The following MYO16 variants were observed in gnomAD, a reference collection of about 807,000 sequenced individuals.
MYO16 encodes myosin XVI, also known as unconventional myosin-XVI.
MYO16 carries 94 observed loss-of-function variants against 205.3 expected under a neutral mutation model. That is an observed-to-expected ratio of 0.46 (90% CI 0.39 to 0.54). The LOEUF (loss-of-function observed/expected upper bound fraction) is 0.54. Among genes scored for constraint, MYO16 ranks in the 20% least tolerant of loss-of-function variants. The probability of loss-of-function intolerance (pLI) is 0.00; values close to 1 mark genes in which losing one functional copy is unlikely to be tolerated. For synonymous variants in MYO16, 988 were observed against 954.0 expected (o/e 1.04, Z -0.66); for missense variants, 2,315 against 2,387.5 (o/e 0.97, Z 0.63).
intron 1 of MYO16, among the ~76,000 whole-genome samples, chr13:108,645,070 A>C (rs922995609): frequency 1.3e-5 from 2 of 152,192 alleles, no homozygotes; most frequent in Non-Finnish European, 2.9e-5. Context: ...GGTGGGGACA[A>C]GACAAGAGGC....
intron 27 of MYO16, among the ~76,000 whole-genome samples, chr13:109,094,397 G>A (rs113462394): frequency 7.9e-5 from 12 of 152,258 alleles, no homozygotes; most frequent in African/African-American, 2.2e-4. Context: ...TTTTTGTAGA[G>A]ATGGGGTCTT....
intron 34 of MYO16, among the ~76,000 whole-genome samples, chr13:109,199,156 A>C (rs1015672613): frequency 6.9e-6 from 1 of 145,806 alleles, no homozygotes; most frequent in African/African-American, 2.5e-5. Context: ...TCCTCCATAA[A>C]GCTTCCTTTC....
chr13:109,094,045 G>A (rs962356821), intron 27 of MYO16, among the ~76,000 whole-genome samples: 5 of 151,740 alleles, frequency 3.3e-5, no homozygotes, highest in Non-Finnish European at 5.9e-5. Context: ...AGCCACACTC[G>A]ACTCCTTGAT....
At chr13:109,006,854 A>G (rs1273711309) in intron 21 of MYO16, among the ~76,000 whole-genome samples, 5 of 152,168 alleles carry the variant, frequency 3.3e-5, no homozygotes, top group African/African-American at 1.2e-4. Context: ...GAGAAGAGAC[A>G]AGGTCCACAG....
intron 16 of MYO16, among the ~76,000 whole-genome samples, chr13:108,956,120 A>C (rs976416261): frequency 1.7e-4 from 26 of 152,192 alleles, no homozygotes; most frequent in African/African-American, 6.3e-4. Context: ...AAGTAATTTA[A>C]AGTCAATATG....
At chr13:108,789,077 T>G (rs1284272051) in intron 5 of MYO16, among the ~76,000 whole-genome samples, 2 of 152,206 alleles carry the variant, frequency 1.3e-5, no homozygotes, top group Non-Finnish European at 2.9e-5. Context: ...TTTCCAGACC[T>G]TCACTCCTGC....
At chr13:108,964,927 C>T (rs1883732443) in intron 20 of MYO16, 25 bp downstream of exon 20, 1 of 1,604,792 alleles carries the variant, frequency 6.2e-7, no homozygotes, top group Non-Finnish European at 8.5e-7. Flanking sequence ...ATGTTCGGTT[C>T]TGTTGTCATT....
chr13:108,593,961 A>G (rs1878470079), upstream of MYO16, among the ~76,000 whole-genome samples: 2 of 152,012 alleles, frequency 1.3e-5, no homozygotes, highest in Non-Finnish European at 2.9e-5. Flanking sequence ...AACATAAACA[A>G]TTTTTCCAAA....
At chr13:108,943,754 T>G (rs1882827908) in intron 16 of MYO16, among the ~76,000 whole-genome samples, 1 of 151,910 alleles carries the variant, frequency 6.6e-6, no homozygotes. Flanking sequence ...CCTGGCTAAT[T>G]TTTTGTATTT....
intron 28 of MYO16, among the ~76,000 whole-genome samples, chr13:109,113,406 T>C (rs1875504394): frequency 6.6e-6 from 1 of 152,088 alleles, no homozygotes; most frequent in Admixed American, 6.6e-5. Context: ...TAAAAAAGTC[T>C]AATAAACCTT....
the MYO16 span, among the ~76,000 whole-genome samples, chr13:108,555,172 T>A: frequency 6.6e-6 from 1 of 152,148 alleles, no homozygotes; most frequent in East Asian, 1.9e-4. Flanking sequence ...TCATTGTGAG[T>A]TGGGCAAAGG....
In MYO16 at chr13:108,792,378, A is replaced by G. The variant is rs187263480; in HGVS notation, c.617-1138A>G. On this transcript the variant is annotated intron_variant, in intron 5 of 34. Transcript: ENST00000457511. ...AGCGCAGAGTTCCCAAATGCCCTCC[A>G]CAGAGCTTCCCCTAATGTTAACACT... 8.0e-3 allele frequency among the ~76,000 whole-genome samples: 1,211 copies of G among 152,326 alleles called. 5 individuals carry two copies. The highest frequency in any genetic ancestry group is 0.02 in the Middle Eastern group (6 of 294).
At chr13:108,813,898 G>T (rs1887370053) in intron 7 of MYO16, among the ~76,000 whole-genome samples, 1 of 152,068 alleles carries the variant, frequency 6.6e-6, no homozygotes, top group African/African-American at 2.4e-5. Context: ...AATTAGCCCT[G>T]GCCTGCTTAA....
At position 108,971,842 on chromosome 13, in the gene MYO16, A is replaced by T. The variant is rs1428517876; in HGVS notation, c.2369+6940A>T. ...TTTTTCAGGGTTATTTGAAGGTTAA[A>T]TGAGGTGGTGCATATTAAGTTGTTA... On this transcript the variant is annotated intron_variant, in intron 20 of 34. Coordinates refer to ENST00000457511, the MANE Select transcript of MYO16 (RefSeq NM_001198950.3). Among the ~76,000 whole-genome samples, 5 of 152,022 alleles carry T rather than the reference A, an allele frequency of 3.3e-5. No individual in the cohort carries two copies. The East Asian group carries it at 9.7e-4, about 30-fold the overall frequency.
At chr13:108,850,206 C>G (rs1410847767) in intron 10 of MYO16, among the ~76,000 whole-genome samples, 1 of 152,178 alleles carries the variant, frequency 6.6e-6, no homozygotes, top group Non-Finnish European at 1.5e-5. Flanking sequence ...TCCCACAGGT[C>G]AGACCATCTC....
chr13:109,087,402 T>G (rs756501377), intron 27 of MYO16, among the ~76,000 whole-genome samples: 23 of 152,202 alleles, frequency 1.5e-4, no homozygotes, highest in Non-Finnish European at 2.8e-4. Context: ...TCCCAGCACT[T>G]TGGAAGGCCG....
intron 6 of MYO16, among the ~76,000 whole-genome samples, chr13:108,795,500 G>A (rs573239558): frequency 1.2e-4 from 19 of 152,056 alleles, no homozygotes; most frequent in Non-Finnish European, 1.9e-4. Flanking sequence ...GAGTTACCGC[G>A]CCTGGCCAGC....
chr13:108,565,574 T>C, the MYO16 span, among the ~76,000 whole-genome samples: 2 of 152,186 alleles, frequency 1.3e-5, no homozygotes, highest in Admixed American at 1.3e-4. Context: ...GTAGGTTTTT[T>C]TGATGGAGTT....
intron 2 of MYO16, among the ~76,000 whole-genome samples, chr13:108,684,199 C>T (rs910792254): frequency 6.6e-6 from 1 of 152,160 alleles, no homozygotes; most frequent in Non-Finnish European, 1.5e-5. Flanking sequence ...TTAGATGCCA[C>T]AGGAGGGGTG....
Sources: allele counts gnomAD v4.1 joint callset (sites outside exome capture counted in the v4.1 genomes callset), GRCh38; gene constraint gnomAD v4.1.1; transcripts MANE v1.5; gene names NCBI Gene and HGNC (gene_info 2026-07-23, HGNC 2026-07-21).